The following KIAA1328 variants were observed in gnomAD, a reference collection of about 807,000 sequenced individuals.
KIAA1328 encodes KIAA1328.
In KIAA1328, 52 loss-of-function variants were observed where a neutral mutation model predicts 68.1. That is an observed-to-expected ratio of 0.76 (90% CI 0.61 to 0.96). The LOEUF is 0.96. Ranked by LOEUF, KIAA1328 falls within the 40% of genes least tolerant of loss-of-function variation. KIAA1328 has a pLI of 0.00. For missense variants in KIAA1328, 641 were observed against 677.6 expected (o/e 0.95, Z 0.60); for synonymous variants, 232 against 239.4 (o/e 0.97, Z 0.28).
chr18:37,141,120 G>A (rs1410167611), intron 7 of KIAA1328, among the ~76,000 whole-genome samples: 1 of 152,094 alleles, frequency 6.6e-6, no homozygotes, highest in East Asian at 1.9e-4. Flanking sequence ...CTTGCATTCA[G>A]TGAAAGGCAC....
intron 7 of KIAA1328, among the ~76,000 whole-genome samples, chr18:37,090,995 C>T (rs534021443): frequency 5.3e-5 from 8 of 152,100 alleles, no homozygotes; most frequent in South Asian, 2.1e-4. Flanking sequence ...ATGATGAATA[C>T]GAAGTAATAC....
At chr18:37,051,570 CAAAG>C (rs942267837) in intron 6 of KIAA1328, among the ~76,000 whole-genome samples, 13 of 152,244 alleles carry the variant, frequency 8.5e-5, no homozygotes, top group African/African-American at 2.9e-4. Context: ...AAAAATCTAT[CAAAG>C]AAAACCCTGT....
chr18:37,140,607 T>C (rs557035685), intron 7 of KIAA1328, among the ~76,000 whole-genome samples: 1 of 152,288 alleles, frequency 6.6e-6, no homozygotes, highest in East Asian at 1.9e-4. Context: ...TATTTTATAA[T>C]ATTAAAATAT....
At chr18:37,129,558 T>C (rs1333082036) in intron 7 of KIAA1328, among the ~76,000 whole-genome samples, 2 of 152,152 alleles carry the variant, frequency 1.3e-5, no homozygotes, top group Non-Finnish European at 2.9e-5. Context: ...TTCTGAGAAA[T>C]TGAAGGAGTA....
intron 9 of KIAA1328, among the ~76,000 whole-genome samples, chr18:37,207,711 A>C (rs932220583): frequency 6.6e-6 from 1 of 152,220 alleles, no homozygotes; most frequent in Non-Finnish European, 1.5e-5. Context: ...CTACAGCCCA[A>C]ACATCTCTGC....
intron 6 of KIAA1328, among the ~76,000 whole-genome samples, chr18:36,983,019 G>GT (rs1212104592): frequency 2.6e-5 from 4 of 151,768 alleles, no homozygotes; most frequent in Non-Finnish European, 5.9e-5. Flanking sequence ...GATGATACTG[G>GT]TTTTTTTAAA....
intron 5 of KIAA1328, among the ~76,000 whole-genome samples, chr18:36,905,910 T>G (rs1462598992): frequency 1.3e-5 from 2 of 152,182 alleles, no homozygotes; most frequent in Non-Finnish European, 2.9e-5. Context: ...TAACTTCTCA[T>G]TCAGTGAGAA....
intron 7 of KIAA1328, among the ~76,000 whole-genome samples, chr18:37,107,978 A>G (rs139627293): frequency 3.8e-3 from 574 of 152,308 alleles, no homozygotes; most frequent in Admixed American, 6.2e-3. Flanking sequence ...ATTATCAAAG[A>G]ACTTAAAACA....
chr18:37,002,590 T>A (rs2053631408), intron 6 of KIAA1328, among the ~76,000 whole-genome samples: 1 of 151,832 alleles, frequency 6.6e-6, no homozygotes, highest in South Asian at 2.1e-4. Flanking sequence ...GGCAATCTCA[T>A]TTACAATAGC....
rs190571451 is a variant in KIAA1328, at chr18:36,845,144, G to A, written c.332+842G>A. On this transcript the variant is annotated intron_variant, in intron 4 of 9. Transcript: ENST00000280020. Reference sequence around the variant, plus strand: ...GGGTATCAAAGATGACTATAAAAAAGTGATGTTTTGGGAGCCAGAATACAG... The same window carrying A: ...GGGTATCAAAGATGACTATAAAAAAATGATGTTTTGGGAGCCAGAATACAG... Among the ~76,000 whole-genome samples, 344 of 151,788 alleles carry A rather than the reference G, an allele frequency of 2.3e-3. 2 individuals are homozygous for A. Among genetic ancestry groups the A allele is most frequent in the Admixed American group, 4.8e-3 (73 of 15,222 alleles).
At chr18:37,192,036 A>G (rs540236340) in intron 9 of KIAA1328, among the ~76,000 whole-genome samples, 20 of 152,242 alleles carry the variant, frequency 1.3e-4, no homozygotes, top group African/African-American at 4.8e-4. Context: ...CCCAGCTTCA[A>G]CTGTAGCACT....
intron 3 of KIAA1328, among the ~76,000 whole-genome samples, chr18:36,839,264 T>C (rs2046781588): frequency 6.6e-6 from 1 of 152,212 alleles, no homozygotes; most frequent in African/African-American, 2.4e-5. Context: ...AAAAATTTTT[T>C]TGTTTATCCT....
At chr18:36,962,676 G>C (rs562980891) in intron 6 of KIAA1328, among the ~76,000 whole-genome samples, 2 of 151,996 alleles carry the variant, frequency 1.3e-5, no homozygotes, top group African/African-American at 4.8e-5. Context: ...CACTCAAAAC[G>C]GCACAACTAC....
At chr18:36,847,395 A>G (rs761001192) in intron 4 of KIAA1328, among the ~76,000 whole-genome samples, 7 of 151,536 alleles carry the variant, frequency 4.6e-5, no homozygotes, top group Non-Finnish European at 8.9e-5. Context: ...ATTATTCTGT[A>G]TACTCACCAA....
At position 37,067,535 on chromosome 18, in the gene KIAA1328, G is replaced by A. The variant is rs2056384686; in HGVS notation, c.1222G>A (p.Asp408Asn). ...KQQQLHQSRL[D>N]YNCLLKSNCD... ...GCAGCAGCTTCACCAGTCTCGACTG[G>A]ATTACAATTGGTGAGTACTGCCTGT... Residue 408 changes from aspartate to asparagine, a missense_variant, in exon 7 of 10, where the codon GAT (aspartate) becomes AAT (asparagine). Physicochemically the swap from Asp to Asn is conservative, Grantham distance 23. Transcript: ENST00000280020. The A allele has an allele frequency of 1.3e-6, 2 of 1,526,848 alleles. No homozygotes were observed. The highest frequency in any genetic ancestry group is 1.8e-6 in the Non-Finnish European group (2 of 1,141,716). 94.6% of individuals were successfully genotyped at this position (1,526,848 alleles called of 1,614,324 possible).
intron 6 of KIAA1328, among the ~76,000 whole-genome samples, chr18:36,971,705 A>G (rs1285326960): frequency 6.6e-6 from 1 of 152,202 alleles, no homozygotes; most frequent in East Asian, 1.9e-4. Flanking sequence ...GAACGAGATC[A>G]TGTTCTTTGC....
intron 5 of KIAA1328, among the ~76,000 whole-genome samples, chr18:36,888,779 G>T (rs892510836): frequency 6.6e-6 from 1 of 151,752 alleles, no homozygotes. Flanking sequence ...CATAAAACAA[G>T]GTTATAATTT....
At chr18:36,889,663 C>G (rs1203533236) in intron 5 of KIAA1328, among the ~76,000 whole-genome samples, 1 of 152,096 alleles carries the variant, frequency 6.6e-6, no homozygotes, top group Non-Finnish European at 1.5e-5. Flanking sequence ...TCTTTGCAGG[C>G]CTATTGGAAT....
At chr18:37,201,947 G>T (rs2060122405) in intron 9 of KIAA1328, among the ~76,000 whole-genome samples, 1 of 152,020 alleles carries the variant, frequency 6.6e-6, no homozygotes, top group African/African-American at 2.4e-5. Flanking sequence ...AAAACAGTCT[G>T]GTCACATTTA....
Sources: gnomAD v4.1 joint callset for allele counts (sites outside exome capture counted in the v4.1 genomes callset) on GRCh38, gnomAD v4.1.1 for gene constraint, MANE v1.5 for transcripts, NCBI Gene and HGNC (gene_info 2026-07-23, HGNC 2026-07-21) for gene names.